The following VPS8 variants were observed in gnomAD, a reference collection of about 807,000 sequenced individuals.
VPS8 encodes the protein vacuolar protein sorting-associated protein 8 homolog.
Under a neutral mutation model 216.4 loss-of-function variants are expected in VPS8, and 129 were observed. That is an observed-to-expected ratio of 0.60 (90% CI 0.52 to 0.69). The LOEUF is 0.69. VPS8 is among the 30% of genes least tolerant of loss of function. The pLI is 0.00. For synonymous variants in VPS8, 571 were observed against 565.4 expected, an observed-to-expected ratio of 1.01 and a Z score of -0.14; for missense variants, 1,531 against 1,683.5, an observed-to-expected ratio of 0.91 and a Z score of 1.59.
chr3:185,006,486 T>A (rs972342148), intron 45 of VPS8, among the ~76,000 whole-genome samples: 6 of 152,220 alleles, frequency 3.9e-5, no homozygotes, highest in African/African-American at 1.4e-4. Flanking sequence ...TAAAGCTGAT[T>A]TTTCAAATAC....
intron 10 of VPS8, 62 bp from the exon 11 acceptor site, chr3:184,852,438 T>C: frequency 6.8e-7 from 1 of 1,470,762 alleles, no homozygotes; most frequent in Non-Finnish European, 9.3e-7. Context: ...TGTATAATTT[T>C]TTCCTCCTTA....
At chr3:184,932,361 A>C (rs779671746) in intron 34 of VPS8, among the ~76,000 whole-genome samples, 2 of 152,182 alleles carry the variant, frequency 1.3e-5, no homozygotes, top group African/African-American at 4.8e-5. Flanking sequence ...AGTCTTTCTT[A>C]GATGACCAAT....
intron 1 of VPS8, among the ~76,000 whole-genome samples, chr3:184,823,795 G>T (rs1484247451): frequency 1.3e-5 from 2 of 152,136 alleles, no homozygotes; most frequent in Non-Finnish European, 1.5e-5. Context: ...TGACAGTTTT[G>T]CAAGTAAACC....
At chr3:184,997,245 T>G (rs2109877628) in intron 44 of VPS8, among the ~76,000 whole-genome samples, 1 of 152,306 alleles carries the variant, frequency 6.6e-6, no homozygotes, top group East Asian at 1.9e-4. Context: ...GGTAACATGA[T>G]ATGGCCGTGG....
chr3:184,963,820 G>T (rs1247002174), intron 37 of VPS8, among the ~76,000 whole-genome samples: 8 of 151,944 alleles, frequency 5.3e-5, no homozygotes, highest in Admixed American at 5.2e-4. Flanking sequence ...TTTTGTTTTT[G>T]TCATGATTCG....
chr3:185,009,192 C>T (rs1422850088), intron 45 of VPS8, among the ~76,000 whole-genome samples: 1 of 151,930 alleles, frequency 6.6e-6, no homozygotes, highest in African/African-American at 2.4e-5. Context: ...AAAGTAATAC[C>T]AAGACATTGT....
intron 46 of VPS8, among the ~76,000 whole-genome samples, chr3:185,025,127 C>T (rs1757171295): frequency 6.6e-6 from 1 of 152,188 alleles, no homozygotes; most frequent in Non-Finnish European, 1.5e-5. Context: ...AGAGAGCTCT[C>T]ATGTGTGCTA....
chr3:184,831,840 T>G (rs1364761196), intron 3 of VPS8, among the ~76,000 whole-genome samples: 1 of 152,246 alleles, frequency 6.6e-6, no homozygotes, highest in Non-Finnish European at 1.5e-5. Flanking sequence ...AATAGCCCTC[T>G]TACTGGTCCT....
At chr3:184,839,048 C>T (rs1721633138) in intron 6 of VPS8, 1 of 286,734 alleles carries the variant, frequency 3.5e-6, no homozygotes, top group South Asian at 7.2e-5. Context: ...TGATTTGGCT[C>T]CCCTTCCACA....
chr3:184,905,226 A>C (rs933225410), intron 25 of VPS8, among the ~76,000 whole-genome samples: 1 of 152,134 alleles, frequency 6.6e-6, no homozygotes, highest in African/African-American at 2.4e-5. Flanking sequence ...TTTTCAACAC[A>C]TGAGTTTTGG....
intron 21 of VPS8, among the ~76,000 whole-genome samples, chr3:184,881,249 T>C (rs188943161): frequency 9.2e-5 from 14 of 152,294 alleles, no homozygotes; most frequent in African/African-American, 3.4e-4. Context: ...TTTTCTCCTA[T>C]GTTTTTTTCT....
chr3:185,046,889 A>G (rs1713038430), intron 46 of VPS8, among the ~76,000 whole-genome samples: 1 of 152,156 alleles, frequency 6.6e-6, no homozygotes, highest in East Asian at 1.9e-4. Flanking sequence ...CCAGTGATAA[A>G]TAGTAAGAAA....
At chr3:184,862,017 G>A (rs1027709754) in intron 15 of VPS8, among the ~76,000 whole-genome samples, 4 of 152,118 alleles carry the variant, frequency 2.6e-5, no homozygotes, top group Non-Finnish European at 2.9e-5. Flanking sequence ...CCTTAGAGTG[G>A]CTAATATACA....
At chr3:184,937,384 GAGGT>G (rs1741827899) in intron 35 of VPS8, among the ~76,000 whole-genome samples, 1 of 152,168 alleles carries the variant, frequency 6.6e-6, no homozygotes, top group African/African-American at 2.4e-5. Context: ...CAGTGAGTAG[GAGGT>G]AGCTGGCATG....
At chr3:184,952,727 T>C (rs1259906925) in intron 36 of VPS8, among the ~76,000 whole-genome samples, 1 of 152,238 alleles carries the variant, frequency 6.6e-6, no homozygotes, top group Admixed American at 6.5e-5. Flanking sequence ...CCAAATGGGC[T>C]GTTTTCAGCC....
chr3:184,921,748 A>T (rs1013454972), intron 29 of VPS8, among the ~76,000 whole-genome samples: 1 of 151,886 alleles, frequency 6.6e-6, no homozygotes, highest in African/African-American at 2.4e-5. Context: ...ATTTTTAGTA[A>T]AGATGGGGTT....
chr3:184,848,439 A>G (rs1001607053), intron 8 of VPS8, among the ~76,000 whole-genome samples: 8 of 152,194 alleles, frequency 5.3e-5, no homozygotes, highest in Non-Finnish European at 1.0e-4. Context: ...ATAGCAAGAA[A>G]TACAATTCTA....
chr3:184,928,845 T>A (rs1740164360), intron 32 of VPS8, among the ~76,000 whole-genome samples: 1 of 152,184 alleles, frequency 6.6e-6, no homozygotes, highest in African/African-American at 2.4e-5. Context: ...TGTTGATGGT[T>A]ATCTTAGATA....
chr3:185,024,534 G>A (rs545760941), intron 46 of VPS8, 145 bp downstream of exon 46: 4 of 968,076 alleles, frequency 4.1e-6, no homozygotes, highest in South Asian at 1.8e-5. Flanking sequence ...TTAATGACAT[G>A]TCTCCAGGCC....
Sources: allele counts gnomAD v4.1 joint callset (sites outside exome capture counted in the v4.1 genomes callset), GRCh38; gene constraint gnomAD v4.1.1; transcripts MANE v1.5; gene names NCBI Gene and HGNC (gene_info 2026-07-23, HGNC 2026-07-21).